The following ZRANB3 variants were observed in gnomAD, a reference collection of about 807,000 sequenced individuals.
ZRANB3 encodes zinc finger RANBP2-type containing 3, also known as DNA annealing helicase and endonuclease ZRANB3.
A neutral mutation model predicts 133.8 loss-of-function variants in ZRANB3; 125 were observed. That is an observed-to-expected ratio of 0.93 (90% CI 0.81 to 1.08). ZRANB3 has a LOEUF of 1.08. Ranked by LOEUF, ZRANB3 falls within the 50% of genes least tolerant of loss-of-function variation. The probability of loss-of-function intolerance (pLI) is 0.00; values close to 1 mark genes in which losing one functional copy is unlikely to be tolerated. For missense variants in ZRANB3, 1,229 were observed against 1,275.5 expected, an observed-to-expected ratio of 0.96 and a Z score of 0.56; for synonymous variants, 387 against 432.7, an observed-to-expected ratio of 0.89 and a Z score of 1.31.
At chr2:135,420,558 T>C (rs1213372643) in intron 2 of ZRANB3, among the ~76,000 whole-genome samples, 2 of 152,130 alleles carry the variant, frequency 1.3e-5, no homozygotes, top group Non-Finnish European at 2.9e-5. Flanking sequence ...TACATATGAA[T>C]GTCCAAATGG....
chr2:135,493,336 A>T (rs907782584), intron 2 of ZRANB3, among the ~76,000 whole-genome samples: 1 of 150,712 alleles, frequency 6.6e-6, no homozygotes, highest in African/African-American at 2.4e-5. Context: ...TCATTAGAAT[A>T]CTATACTACA....
At chr2:135,509,345 T>A (rs1574227515) in intron 1 of ZRANB3, among the ~76,000 whole-genome samples, 1 of 152,156 alleles carries the variant, frequency 6.6e-6, no homozygotes, top group Admixed American at 6.5e-5. Flanking sequence ...GGATTCTAGT[T>A]TGAGACTCAA....
chr2:135,320,480 T>G (rs910143015), intron 6 of ZRANB3, among the ~76,000 whole-genome samples: 23 of 152,208 alleles, frequency 1.5e-4, no homozygotes, highest in African/African-American at 4.3e-4. Flanking sequence ...AAACATGAAC[T>G]TTCTTTTGAG....
intron 12 of ZRANB3, among the ~76,000 whole-genome samples, chr2:135,239,259 G>A (rs944608914): frequency 2.6e-5 from 4 of 152,104 alleles, no homozygotes; most frequent in African/African-American, 9.7e-5. Flanking sequence ...AAGGGGAAAT[G>A]GAGAGTGATT....
intron 8 of ZRANB3, among the ~76,000 whole-genome samples, chr2:135,283,339 G>A (rs543238925): frequency 1.3e-4 from 20 of 150,810 alleles, no homozygotes; most frequent in African/African-American, 4.4e-4. Context: ...GGCCAGGCAC[G>A]GTGGCTCACG....
chr2:135,227,825 G>A lies in ZRANB3; in HGVS notation c.2145C>T (p.Ser715=). Residue 715 remains serine, a synonymous_variant, in exon 14 of 21, where the codon TCC becomes TCT. Transcript: ENST00000264159. The part of the protein sequence containing the change: ...PKIEKEDGLT[S]QPGNEQWKSS... The stretch of plus-strand genomic sequence containing the variant: ...AACAAGACTTACCATTACCTGGCTG[G>A]GATGTAAGTCCGTCTTCTTTCTCAA... 1 of 1,573,492 alleles carries A rather than the reference G, an allele frequency of 6.4e-7. No individual in the cohort carries two copies. Among genetic ancestry groups the A allele is most frequent in the Non-Finnish European group, 8.6e-7 (1 of 1,157,508 alleles).
chr2:135,242,811 G>C (rs1335716408), intron 12 of ZRANB3, among the ~76,000 whole-genome samples: 1 of 151,292 alleles, frequency 6.6e-6, no homozygotes, highest in Non-Finnish European at 1.5e-5. Context: ...TTAATTTCTG[G>C]TATTACAGTT....
At chr2:135,205,475 A>G (rs939676189) in intron 19 of ZRANB3, among the ~76,000 whole-genome samples, 5 of 152,172 alleles carry the variant, frequency 3.3e-5, no homozygotes, top group African/African-American at 1.2e-4. Flanking sequence ...ATGGGGTTCC[A>G]CTAGCTGGGA....
chr2:135,444,918 G>A (rs1377851396), intron 2 of ZRANB3, among the ~76,000 whole-genome samples: 3 of 152,124 alleles, frequency 2.0e-5, no homozygotes, highest in African/African-American at 4.8e-5. Context: ...AATAAGAAAT[G>A]AGCAATGATC....
chr2:135,251,261 A>G (rs1679381724), intron 12 of ZRANB3, among the ~76,000 whole-genome samples: 1 of 152,174 alleles, frequency 6.6e-6, no homozygotes, highest in South Asian at 2.1e-4. Context: ...CATTGTATCT[A>G]GGAAGTAACT....
Position 135,404,847 on chromosome 2 carries a change from A to G in ZRANB3, c.162-14027T>C, listed in dbSNP as rs112814177. On this transcript the variant is annotated intron_variant, in intron 2 of 20. Transcript: ENST00000264159. ...TCAACCCAGAATTTCATATCCAGCC[A>G]AACTACGCTGCAAAATCATGCCAAA... Among the ~76,000 whole-genome samples, 156 of 152,322 alleles carry G rather than the reference A, an allele frequency of 1.0e-3. 1 individual carries two copies. Among genetic ancestry groups the G allele is most frequent in the African/African-American group, 3.6e-3 (151 of 41,582 alleles).
chr2:135,233,855 A>C (rs1031073877), intron 12 of ZRANB3, among the ~76,000 whole-genome samples: 1 of 152,234 alleles, frequency 6.6e-6, no homozygotes, highest in Non-Finnish European at 1.5e-5. Flanking sequence ...AATTGTAAAG[A>C]CCATCGAGGC....
chr2:135,207,431 T>TA lies in ZRANB3; in HGVS notation c.3009+2dup, dbSNP rs1285326457. On this transcript the variant is annotated splice_region_variant and intron_variant, in intron 19 of 20. Coordinates refer to ENST00000264159, the MANE Select transcript of ZRANB3 (RefSeq NM_032143.4). ...TTCTATCTATCACATGATTATAACTTACCTGTTCTAATGGGAGCTTTGAAG... is the reference window on the plus strand; with the variant it reads ...TTCTATCTATCACATGATTATAACTTAACCTGTTCTAATGGGAGCTTTGAAG... The TA allele has an allele frequency of 1.2e-6, 2 of 1,600,440 alleles. No homozygotes were observed. The highest frequency in any genetic ancestry group is 2.7e-5 in the African/African-American group (2 of 74,590).
intron 6 of ZRANB3, among the ~76,000 whole-genome samples, chr2:135,326,304 A>G (rs896206653): frequency 3.3e-5 from 5 of 152,072 alleles, no homozygotes; most frequent in Admixed American, 2.6e-4. Context: ...GGTTACATGA[A>G]TAAGTTCTTT....
intron 8 of ZRANB3, among the ~76,000 whole-genome samples, chr2:135,283,891 A>G (rs1681218009): frequency 6.6e-6 from 1 of 151,682 alleles, no homozygotes; most frequent in Non-Finnish European, 1.5e-5. Context: ...CTGTGGTGGG[A>G]GGACTGCTTG....
chr2:135,234,183 A>G (rs1019108906), intron 12 of ZRANB3, among the ~76,000 whole-genome samples: 1 of 152,220 alleles, frequency 6.6e-6, no homozygotes, highest in Non-Finnish European at 1.5e-5. Flanking sequence ...AACAAAGATC[A>G]AAAGAGACAA....
intron 3 of ZRANB3, among the ~76,000 whole-genome samples, chr2:135,362,427 G>C (rs1685737100): frequency 6.6e-6 from 1 of 152,106 alleles, no homozygotes; most frequent in Non-Finnish European, 1.5e-5. Flanking sequence ...GAATGCACTG[G>C]GAACAGAGGA....
intron 8 of ZRANB3, among the ~76,000 whole-genome samples, chr2:135,295,583 G>C (rs532164720): frequency 6.6e-6 from 1 of 152,004 alleles, no homozygotes; most frequent in Non-Finnish European, 1.5e-5. Context: ...TTACATTTAA[G>C]GTTAATATTG....
chr2:135,301,638 T>C (rs1240396351), intron 8 of ZRANB3, among the ~76,000 whole-genome samples: 1 of 152,206 alleles, frequency 6.6e-6, no homozygotes, highest in Non-Finnish European at 1.5e-5. Context: ...ACTGTTTCAA[T>C]TGCCTGAAAT....
Sources: allele counts gnomAD v4.1 joint callset (sites outside exome capture counted in the v4.1 genomes callset), GRCh38; gene constraint gnomAD v4.1.1; transcripts MANE v1.5; gene names NCBI Gene and HGNC (gene_info 2026-07-23, HGNC 2026-07-21).